SH3KBP1: variants seen among roughly 807,000 people sequenced by gnomAD.
SH3KBP1 encodes SH3 domain containing kinase binding protein 1, also known as SH3 domain-containing kinase-binding protein 1.
SH3KBP1 carries 8 observed loss-of-function variants against 50.1 expected under a neutral mutation model. That is an observed-to-expected ratio of 0.16 (90% CI 0.09 to 0.29). The LOEUF (loss-of-function observed/expected upper bound fraction) is 0.29. Among genes scored for constraint, SH3KBP1 ranks in the 10% least tolerant of loss-of-function variants. The probability of loss-of-function intolerance (pLI) is 1.00; values close to 1 mark genes in which losing one functional copy is unlikely to be tolerated. For synonymous variants in SH3KBP1, 227 were observed against 218.6 expected (o/e 1.04, Z -0.34); for missense variants, 377 against 535.2 (o/e 0.70, Z 2.92).
At chrX:19,848,300 A>G (rs1421651388) in intron 1 of SH3KBP1, among the ~76,000 whole-genome samples, 1 of 112,069 alleles carries the variant, frequency 8.9e-6, no homozygotes, top group East Asian at 2.8e-4. Flanking sequence ...TACTAGGGTC[A>G]TGTCAAAACA....
intron 1 of SH3KBP1, among the ~76,000 whole-genome samples, chrX:19,868,408 T>G (rs749655219): frequency 2.7e-5 from 3 of 110,414 alleles, no homozygotes; most frequent in Non-Finnish European, 5.7e-5. Flanking sequence ...CTTCAACATT[T>G]GAATCCCGAC....
chrX:19,622,901 G>T (rs1030522183), intron 8 of SH3KBP1, among the ~76,000 whole-genome samples: 1 of 110,597 alleles, frequency 9.0e-6, no homozygotes, highest in Non-Finnish European at 1.9e-5. Flanking sequence ...AAATTAGCTG[G>T]GTGTGGTGGC....
At chrX:19,860,607 G>A (rs1049657133) in intron 1 of SH3KBP1, among the ~76,000 whole-genome samples, 4 of 111,869 alleles carry the variant, frequency 3.6e-5, no homozygotes, top group African/African-American at 1.3e-4. Flanking sequence ...GGTTAAAATC[G>A]TACATTTTAT....
At chrX:19,566,924 A>G (rs775865896) in intron 13 of SH3KBP1, among the ~76,000 whole-genome samples, 1 of 111,346 alleles carries the variant, frequency 9.0e-6, no homozygotes, top group Admixed American at 9.6e-5. Flanking sequence ...TTCAGAGGAA[A>G]ACAGCACCCA....
intron 1 of SH3KBP1, among the ~76,000 whole-genome samples, chrX:19,863,566 G>A (rs1366754279): frequency 8.9e-6 from 1 of 112,265 alleles, no homozygotes; most frequent in Admixed American, 9.4e-5. Context: ...CAGATTATTT[G>A]TTAGAATTCT....
rs1335688853 is a variant in SH3KBP1 at position 19,602,042 on chromosome X, C to T, written c.1005+5896G>A. 5.4e-5 allele frequency among the ~76,000 whole-genome samples: 6 copies of T among 110,982 alleles called. No homozygotes were observed. In the East Asian group the frequency reaches 1.7e-3, roughly 31 times the overall value. ...TTGGTTTCTCCCTAAGATGCTCTCA[C>T]AGTTCACCCCTTGGCTCACCCCTTC... On this transcript the variant is annotated intron_variant, in intron 9 of 17. Transcript: ENST00000397821.
intron 9 of SH3KBP1, among the ~76,000 whole-genome samples, chrX:19,606,080 T>C (rs1036540356): frequency 8.0e-5 from 9 of 112,091 alleles, no homozygotes; most frequent in South Asian, 3.7e-4. Flanking sequence ...TCGTGGTAAA[T>C]AGTAATTATA....
At chrX:19,796,115 T>C (rs1182408031) in intron 2 of SH3KBP1, among the ~76,000 whole-genome samples, 1 of 111,993 alleles carries the variant, frequency 8.9e-6, no homozygotes, top group Non-Finnish European at 1.9e-5. Context: ...TCAGGAAACT[T>C]ACCTCAGTTA....
At chrX:19,836,734 T>C (rs1176996826) in intron 1 of SH3KBP1, among the ~76,000 whole-genome samples, 1 of 111,928 alleles carries the variant, frequency 8.9e-6, no homozygotes. Context: ...CCCCATCTGA[T>C]ATGGTTTGGC....
intron 12 of SH3KBP1, among the ~76,000 whole-genome samples, chrX:19,580,254 T>G (rs935729420): frequency 1.8e-5 from 2 of 111,877 alleles, no homozygotes; most frequent in Admixed American, 1.9e-4. Flanking sequence ...AACAAACAAA[T>G]GAATCATACA....
At position 19,836,258 on chromosome X, in the gene SH3KBP1, T is replaced by C. The variant is rs765215179; in HGVS notation, c.29A>G (p.Tyr10Cys). The C allele has an allele frequency of 8.3e-7, 1 of 1,210,251 alleles. No individual in the cohort carries two copies. Among genetic ancestry groups the C allele is most frequent in the Non-Finnish European group, 1.1e-6 (1 of 894,588 alleles). Residue 10 changes from tyrosine (Y) to cysteine (C), a missense_variant, in exon 2 of 18, where the codon TAC becomes TGC. Physicochemically the swap from Tyr to Cys is radical, Grantham distance 194. Coordinates refer to ENST00000397821, the MANE Select transcript of SH3KBP1 (RefSeq NM_031892.3). MVEAIVEFD[Y>C]QAQHDDELTI... is the part of the protein sequence containing the mutation. ...CAGCTCATCATCGTGCTGGGCCTGGTAGTCAAACTCCACTATGGCCTCCAC... is the reference window on the plus strand; with the variant it reads ...CAGCTCATCATCGTGCTGGGCCTGGCAGTCAAACTCCACTATGGCCTCCAC...
At chrX:19,553,889 T>A (rs1249530103) in intron 13 of SH3KBP1, among the ~76,000 whole-genome samples, 35 of 80,201 alleles carry the variant, frequency 4.4e-4, no homozygotes, top group Admixed American at 1.3e-3. Flanking sequence ...ATAATATATA[T>A]TATATATTAT....
At position 19,614,871 on chromosome X, in the gene SH3KBP1, A is replaced by G. The variant is rs181671806; in HGVS notation, c.898-6826T>C. Among the ~76,000 whole-genome samples the G allele has an allele frequency of 1.1e-4, 12 of 111,876 alleles. No homozygotes were observed. In the East Asian group the frequency reaches 3.1e-3, roughly 29 times the overall value. ...CTTGAAAATGAGGATTCTTATCTTC[A>G]CACCTCTGTCTCCATCTAATTCCTG... On this transcript the variant is annotated intron_variant, in intron 8 of 17. Coordinates refer to ENST00000397821, the MANE Select transcript of SH3KBP1 (RefSeq NM_031892.3).
chrX:19,753,086 C>T (rs963778534), intron 2 of SH3KBP1, among the ~76,000 whole-genome samples: 2 of 112,086 alleles, frequency 1.8e-5, no homozygotes, highest in Non-Finnish European at 1.9e-5. Flanking sequence ...GCTGGTGCCA[C>T]GGACACCAGG....
chrX:19,876,600 C>T (rs553780990), intron 1 of SH3KBP1, among the ~76,000 whole-genome samples: 2 of 110,923 alleles, frequency 1.8e-5, no homozygotes, highest in African/African-American at 6.6e-5. Flanking sequence ...CACCCATCAT[C>T]AATTAATCAG....
intron 13 of SH3KBP1, among the ~76,000 whole-genome samples, chrX:19,554,377 A>ATATATATCATATTAAAATATATATAT (rs1555983584): frequency 2.2e-5 from 2 of 89,853 alleles, no homozygotes; most frequent in African/African-American, 9.2e-5. Flanking sequence ...TTAAAATATA[A>ATATATATCATATTAAAATATATATAT]TATATATCAT....
chrX:19,668,235 G>A (rs899957391), intron 6 of SH3KBP1, among the ~76,000 whole-genome samples: 4 of 110,023 alleles, frequency 3.6e-5, no homozygotes, highest in African/African-American at 6.6e-5. Context: ...GGCTGGGTGC[G>A]GTGGCTCATG....
At chrX:19,781,443 C>T (rs1354567925) in intron 2 of SH3KBP1, among the ~76,000 whole-genome samples, 1 of 109,738 alleles carries the variant, frequency 9.1e-6, no homozygotes, top group Non-Finnish European at 1.9e-5. Context: ...CATAGTGAAA[C>T]CCGTCTAAAC....
At chrX:19,754,888 T>A (rs1218389582) in intron 2 of SH3KBP1, among the ~76,000 whole-genome samples, 3 of 111,944 alleles carry the variant, frequency 2.7e-5, no homozygotes, top group South Asian at 3.6e-4. Context: ...CTAACTTTTT[T>A]AAAAAAACAA....
Sources: gnomAD v4.1 joint callset for allele counts (sites outside exome capture counted in the v4.1 genomes callset) on GRCh38, gnomAD v4.1.1 for gene constraint, MANE v1.5 for transcripts, NCBI Gene and HGNC (gene_info 2026-07-23, HGNC 2026-07-21) for gene names.